B3GNT2: variants seen among roughly 807,000 people sequenced by gnomAD.
B3GNT2 encodes N-acetyllactosaminide beta-1,3-N-acetylglucosaminyltransferase 2.
Under a neutral mutation model 27.6 loss-of-function variants are expected in B3GNT2, and 12 were observed. The observed-to-expected ratio is 0.44, with a 90% confidence interval of 0.28 to 0.71. The LOEUF (loss-of-function observed/expected upper bound fraction) is 0.71. Among genes scored for constraint, B3GNT2 ranks in the 30% least tolerant of loss-of-function variants. The probability of loss-of-function intolerance (pLI) is 0.17; values close to 1 mark genes in which losing one functional copy is unlikely to be tolerated. For synonymous variants in B3GNT2, 192 were observed against 189.7 expected, an observed-to-expected ratio of 1.01 and a Z score of -0.10; for missense variants, 413 against 488.5, an observed-to-expected ratio of 0.85 and a Z score of 1.46.
In B3GNT2 at chr2:62,222,540, C is replaced by T. The variant is rs780891543; in HGVS notation, c.320C>T (p.Thr107Met). 1.1e-5 allele frequency: 17 copies of T among 1,614,182 alleles called. No homozygotes were observed. Among genetic ancestry groups the T allele is most frequent in the Middle Eastern group, 1.6e-4 (1 of 6,062 alleles). ...GACCTGAGGGTCACGTCGGTGGTTA[C>T]GGGTTTTAACAACTTGCCGGACAGA... Reference protein sequence around the residue: ...EPDLRVTSVVTGFNNLPDRFK... With the variant: ...EPDLRVTSVVMGFNNLPDRFK... Residue 107 changes from threonine to methionine, a missense_variant, in exon 2 of 2, where the codon ACG (threonine) becomes ATG (methionine). Physicochemically the swap from Thr to Met is moderately conservative, Grantham distance 81 (BLOSUM62 -1). Transcript: ENST00000301998. The surrounding 1 kb of genome is among the most constrained non-coding windows in gnomAD (Gnocchi z 4.2).
chr2:62,198,434 T>C (rs1558630043), intron 1 of B3GNT2, among the ~76,000 whole-genome samples: 1 of 152,214 alleles, frequency 6.6e-6, no homozygotes, highest in African/African-American at 2.4e-5. Context: ...CTGTAATCAA[T>C]AGAGAAGTTC....
Position 62,223,596 on chromosome 2 carries a change from A to T in B3GNT2, c.*182A>T. The T allele has an allele frequency of 1.7e-6, 1 of 578,480 alleles. No homozygotes were observed. 35.8% of individuals were successfully genotyped at this position (578,480 alleles called of 1,614,324 possible). On this transcript the variant is annotated 3_prime_UTR_variant, in exon 2 of 2. Coordinates refer to ENST00000301998, the MANE Select transcript of B3GNT2 (RefSeq NM_006577.6). The stretch of plus-strand genomic sequence containing the variant: ...GTGAAGAGGGAAAGCGGAAGATGGT[A>T]ATTTTTTTTTATGGATGATATGGCA...
chr2:62,209,182 A>G (rs1000148909), intron 1 of B3GNT2, among the ~76,000 whole-genome samples: 3 of 152,078 alleles, frequency 2.0e-5, no homozygotes, highest in African/African-American at 7.2e-5. Context: ...TTTTATGTTG[A>G]TAGCCCAGAA....
intron 1 of B3GNT2, among the ~76,000 whole-genome samples, chr2:62,220,319 C>G (rs1674665264): frequency 6.6e-6 from 1 of 152,184 alleles, no homozygotes. Context: ...TTCTTACTGT[C>G]CATAATCTTT....
chr2:62,213,202 G>A (rs1419146905), intron 1 of B3GNT2, among the ~76,000 whole-genome samples: 1 of 152,148 alleles, frequency 6.6e-6, no homozygotes, highest in African/African-American at 2.4e-5. Flanking sequence ...TGCTCGAGAG[G>A]CTGAGGTGGA....
intron 1 of B3GNT2, among the ~76,000 whole-genome samples, chr2:62,198,490 A>G (rs1457071096): frequency 6.6e-6 from 1 of 152,244 alleles, no homozygotes; most frequent in African/African-American, 2.4e-5. Flanking sequence ...ACCCTGTGGT[A>G]GCCTTTTAGA....
Position 62,224,526 on chromosome 2 carries a change from TTAAA to T in B3GNT2, c.*1117_*1120del, listed in dbSNP as rs1244673395. On this transcript the variant is annotated 3_prime_UTR_variant, in exon 2 of 2. Coordinates refer to ENST00000301998, the MANE Select transcript of B3GNT2 (RefSeq NM_006577.6). ...TTTAAATGTTAAGGTGTAACATATG[TTAAA>T]TAAAACTGTTATTTTTGAATTTTAA... 7 of 167,258 alleles carry T rather than the reference TTAAA, an allele frequency of 4.2e-5. No homozygotes were observed. Among genetic ancestry groups the T allele is most frequent in the African/African-American group, 1.7e-4 (7 of 41,592 alleles). 10.4% of individuals were successfully genotyped at this position (167,258 alleles called of 1,614,324 possible).
intron 1 of B3GNT2, among the ~76,000 whole-genome samples, chr2:62,208,071 A>G (rs553702682): frequency 3.3e-5 from 5 of 152,304 alleles, no homozygotes; most frequent in African/African-American, 1.2e-4. Context: ...TAAATTGGTC[A>G]TTAGTTGAAT....
At chr2:62,196,730 G>A (rs1326927761) in intron 1 of B3GNT2, among the ~76,000 whole-genome samples, 1 of 152,154 alleles carries the variant, frequency 6.6e-6, no homozygotes, top group African/African-American at 2.4e-5. Context: ...AACTTCCGGG[G>A]GATCCGGCGC....
chr2:62,196,804 G>A (rs1336461631), intron 1 of B3GNT2, among the ~76,000 whole-genome samples: 3 of 152,110 alleles, frequency 2.0e-5, no homozygotes, highest in Non-Finnish European at 2.9e-5. Flanking sequence ...GGGCGCGCGG[G>A]CATTTCGGGG....
At chr2:62,208,564 T>G (rs1230369176) in intron 1 of B3GNT2, among the ~76,000 whole-genome samples, 2 of 151,964 alleles carry the variant, frequency 1.3e-5, no homozygotes, top group African/African-American at 4.8e-5. Context: ...CGGGAATTGG[T>G]AGATGCTTAG....
chr2:62,197,195 C>T lies in B3GNT2; in HGVS notation c.-10+840C>T, dbSNP rs371149302. On this transcript the variant is annotated intron_variant, in intron 1 of 1. Coordinates refer to ENST00000301998, the MANE Select transcript of B3GNT2 (RefSeq NM_006577.6). ...CGTGGGAAGGTGGGCGTGGGGGGCC[C>T]TGCCGGGGCTGCGGGCGCGGGACTG... Among the ~76,000 whole-genome samples, 14 of 152,172 alleles carry T rather than the reference C, an allele frequency of 9.2e-5. 1 individual carries two copies. In the South Asian group the frequency reaches 1.7e-3, roughly 18 times the overall value.
chr2:62,200,503 G>A (rs146663647), intron 1 of B3GNT2, among the ~76,000 whole-genome samples: 68 of 152,288 alleles, frequency 4.5e-4, no homozygotes, highest in South Asian at 1.9e-3. Context: ...GATTCTGTCC[G>A]AGTGCCATGT....
intron 1 of B3GNT2, among the ~76,000 whole-genome samples, chr2:62,220,652 C>T (rs549773748): frequency 6.6e-6 from 1 of 152,206 alleles, no homozygotes; most frequent in Admixed American, 6.5e-5. Context: ...GGCTGGTATT[C>T]CAGTCTGCCC....
At chr2:62,200,361 A>C (rs1455168500) in intron 1 of B3GNT2, among the ~76,000 whole-genome samples, 1 of 152,186 alleles carries the variant, frequency 6.6e-6, no homozygotes, top group Non-Finnish European at 1.5e-5. Flanking sequence ...GATACTTTCT[A>C]CTTTTCATTC....
At chr2:62,216,470 A>G (rs1312956872) in intron 1 of B3GNT2, among the ~76,000 whole-genome samples, 3 of 151,700 alleles carry the variant, frequency 2.0e-5, no homozygotes, top group Non-Finnish European at 2.9e-5. Flanking sequence ...CGGTGGTACA[A>G]TCTCAGCTCA....
At chr2:62,202,145 C>T (rs1323147474) in intron 1 of B3GNT2, among the ~76,000 whole-genome samples, 1 of 152,218 alleles carries the variant, frequency 6.6e-6, no homozygotes, top group African/African-American at 2.4e-5. Context: ...GTGTGCCTAG[C>T]ACTGTGCTTG....
At chr2:62,202,851 CCCT>C (rs1674295285) in intron 1 of B3GNT2, among the ~76,000 whole-genome samples, 1 of 152,146 alleles carries the variant, frequency 6.6e-6, no homozygotes. Flanking sequence ...TGGTGATCTG[CCCT>C]CCTCCTCCTA....
intron 1 of B3GNT2, among the ~76,000 whole-genome samples, chr2:62,197,140 G>T (rs943528582): frequency 2.0e-5 from 3 of 152,124 alleles, no homozygotes; most frequent in Non-Finnish European, 4.4e-5. Flanking sequence ...GCCAGGGAGC[G>T]CCTGAAGCCG....
Sources: allele counts gnomAD v4.1 joint callset (sites outside exome capture counted in the v4.1 genomes callset), GRCh38; gene constraint gnomAD v4.1.1; non-coding constraint Gnocchi (gnomAD v3.1); transcripts MANE v1.5; gene names NCBI Gene and HGNC (gene_info 2026-07-23, HGNC 2026-07-21).